The following DRGX variants were observed in gnomAD, a reference collection of about 807,000 sequenced individuals.
DRGX encodes the protein dorsal root ganglia homeobox protein.
In DRGX, 21 loss-of-function variants were observed where a neutral mutation model predicts 28.6. The observed-to-expected ratio is 0.73, with a 90% CI of 0.52 to 1.06. The LOEUF is 1.06. Ranked by LOEUF, DRGX falls within the 50% of genes least tolerant of loss-of-function variation. The probability of loss-of-function intolerance (pLI) is 0.00; values close to 1 mark genes in which losing one functional copy is unlikely to be tolerated. For synonymous variants in DRGX, 136 were observed against 139.1 expected, an observed-to-expected ratio of 0.98 and a Z score of 0.16; for missense variants, 354 against 343.9, an observed-to-expected ratio of 1.03 and a Z score of -0.23.
chr10:49,364,344 CTTAA>C lies in DRGX; in HGVS notation c.*1768_*1771del, dbSNP rs1226073746. 1 of 152,210 alleles carries C rather than the reference CTTAA, an allele frequency of 6.6e-6. No homozygotes were observed. The highest frequency in any genetic ancestry group is 2.4e-5 in the African/African-American group (1 of 41,450). 9.4% of individuals were successfully genotyped at this position (152,210 alleles called of 1,614,324 possible). A position where few individuals can be genotyped will look rare whatever the true frequency, so the allele number is the denominator to read the frequency against. On this transcript the variant is annotated 3_prime_UTR_variant, in exon 7 of 7. Transcript: ENST00000374139. The stretch of plus-strand genomic sequence containing the variant: ...TTCATGCTAATGTGTGTGTAGTTTA[CTTAA>C]TTGTGTTATTGACGATCAAAAGTAA...
intron 4 of DRGX, among the ~76,000 whole-genome samples, chr10:49,389,778 T>A (rs567504829): frequency 2.0e-5 from 3 of 152,090 alleles, no homozygotes; most frequent in Non-Finnish European, 2.9e-5. Flanking sequence ...TTGACCAGCC[T>A]TACCCCAGAG....
intron 6 of DRGX, among the ~76,000 whole-genome samples, chr10:49,376,089 G>A (rs1849713250): frequency 6.6e-6 from 1 of 152,124 alleles, no homozygotes; most frequent in Admixed American, 6.5e-5. Flanking sequence ...GGGGCTGGAA[G>A]GTTGCACACC....
At chr10:49,374,336 G>A (rs951267773) in intron 6 of DRGX, among the ~76,000 whole-genome samples, 10 of 152,136 alleles carry the variant, frequency 6.6e-5, no homozygotes, top group East Asian at 1.9e-4. Context: ...CTGAGGGTGC[G>A]CCATGAGATT....
At chr10:49,394,850 G>T (rs1849947895) in intron 2 of DRGX, among the ~76,000 whole-genome samples, 1 of 152,250 alleles carries the variant, frequency 6.6e-6, no homozygotes, top group South Asian at 2.1e-4. Context: ...GGCAGGTGGT[G>T]GGCAGGGCCA....
chr10:49,368,497 T>C (rs1191698914), intron 6 of DRGX, among the ~76,000 whole-genome samples: 2 of 152,248 alleles, frequency 1.3e-5, no homozygotes, highest in African/African-American at 4.8e-5. Context: ...CTAGGGGCTC[T>C]TACACAGGCA....
At position 49,395,539 on chromosome 10, in the gene DRGX, A is replaced by T; in HGVS notation, c.-81-18T>A. 1 of 1,398,828 alleles carries T rather than the reference A, an allele frequency of 7.1e-7. No individual in the cohort carries two copies. The highest frequency in any genetic ancestry group is 1.4e-5 in the African/African-American group (1 of 70,278). The allele number at this position is 1,398,828 out of a possible 1,614,324, so 86.7% of individuals were successfully genotyped here. A position where few individuals can be genotyped will look rare whatever the true frequency, so the allele number is the denominator to read the frequency against. On this transcript the variant is annotated intron_variant, in intron 1 of 6. Transcript: ENST00000374139. Reference sequence around the variant, plus strand: ...CTGCCTGGCTGCAAAGCAAACAGCGATAGAGCTTCAAGTCTCCCTCTGCCA... The same window carrying T: ...CTGCCTGGCTGCAAAGCAAACAGCGTTAGAGCTTCAAGTCTCCCTCTGCCA...
chr10:49,390,044 G>T, intron 4 of DRGX, 89 bp downstream of exon 4: 1 of 1,225,448 alleles, frequency 8.2e-7, no homozygotes, highest in Non-Finnish European at 1.1e-6. Context: ...TGCTTTCTTT[G>T]GCCAAATGTG....
At chr10:49,387,172 C>T (rs554911449) in intron 4 of DRGX, among the ~76,000 whole-genome samples, 1 of 152,290 alleles carries the variant, frequency 6.6e-6, no homozygotes, top group South Asian at 2.1e-4. Flanking sequence ...GTATTTCCTA[C>T]TGGAGGTGGA....
intron 3 of DRGX, among the ~76,000 whole-genome samples, chr10:49,390,946 C>T (rs1420411579): frequency 6.6e-6 from 1 of 152,170 alleles, no homozygotes; most frequent in Non-Finnish European, 1.5e-5. Flanking sequence ...TGGGAGAGAA[C>T]GTTGTTGCCT....
intron 2 of DRGX, among the ~76,000 whole-genome samples, chr10:49,393,518 T>C (rs1849932598): frequency 6.6e-6 from 1 of 152,248 alleles, no homozygotes; most frequent in Admixed American, 6.5e-5. Flanking sequence ...CAAAATTATC[T>C]GAGAAGTAAG....
At chr10:49,374,027 CA>C in intron 6 of DRGX, among the ~76,000 whole-genome samples, 1 of 151,964 alleles carries the variant, frequency 6.6e-6, no homozygotes, top group South Asian at 2.1e-4. Flanking sequence ...GTTCCAATAC[CA>C]AAATATTCAC....
intron 6 of DRGX, among the ~76,000 whole-genome samples, chr10:49,379,747 G>A (rs1161634038): frequency 2.6e-5 from 4 of 152,220 alleles, no homozygotes; most frequent in South Asian, 2.1e-4. Flanking sequence ...GACACTCGGT[G>A]CAGGACCAGG....
intron 6 of DRGX, among the ~76,000 whole-genome samples, chr10:49,367,843 C>T (rs1007488498): frequency 6.6e-6 from 1 of 152,188 alleles, no homozygotes; most frequent in African/African-American, 2.4e-5. Flanking sequence ...CTCTGGAGTC[C>T]TTCCTCAAGC....
intron 2 of DRGX, among the ~76,000 whole-genome samples, 155 bp downstream of exon 2, chr10:49,395,252 G>A (rs1849953692): frequency 6.6e-6 from 1 of 152,088 alleles, no homozygotes; most frequent in Non-Finnish European, 1.5e-5. Context: ...CTGGAGTGGG[G>A]TGTAGGGAGG....
intron 6 of DRGX, among the ~76,000 whole-genome samples, chr10:49,373,324 TA>T (rs1325549577): frequency 2.6e-5 from 4 of 152,192 alleles, no homozygotes; most frequent in South Asian, 2.1e-4. Context: ...ATAAGACATT[TA>T]AAAAATAGGT....
At chr10:49,391,798 G>A (rs200917703) in intron 2 of DRGX, 110 of 507,738 alleles carry the variant, frequency 2.2e-4, no homozygotes, top group African/African-American at 1.8e-3. Context: ...AGTGCAGAAC[G>A]TGAGGAGGTA....
At position 49,376,436 on chromosome 10, in the gene DRGX, G is replaced by A. The variant is rs559593698; in HGVS notation, c.526+10042C>T. On this transcript the variant is annotated intron_variant, in intron 6 of 6. Coordinates refer to ENST00000374139, the MANE Select transcript of DRGX (RefSeq NM_001276451.2). ...TTGCTTTCCTGGAGCCCTATGTGCTGTCCACACACCATGAACCCCAGTCAC... is the reference window on the plus strand; with the variant it reads ...TTGCTTTCCTGGAGCCCTATGTGCTATCCACACACCATGAACCCCAGTCAC... Among the ~76,000 whole-genome samples, 237 of 152,246 alleles carry A rather than the reference G, an allele frequency of 1.6e-3. 1 individual carries two copies. Among genetic ancestry groups the A allele is most frequent in the Middle Eastern group, 3.4e-3 (1 of 294 alleles).
At chr10:49,395,017 A>G (rs912640848) in intron 2 of DRGX, among the ~76,000 whole-genome samples, 2 of 152,218 alleles carry the variant, frequency 1.3e-5, no homozygotes, top group African/African-American at 4.8e-5. Context: ...CTGGGCCAGG[A>G]CGCGGCGGGT....
At chr10:49,393,888 C>G (rs1192421390) in intron 2 of DRGX, among the ~76,000 whole-genome samples, 3 of 152,218 alleles carry the variant, frequency 2.0e-5, no homozygotes, top group Non-Finnish European at 4.4e-5. Flanking sequence ...CAGGACTCTC[C>G]CTAACTCACT....
Sources: gnomAD v4.1 joint callset for allele counts (sites outside exome capture counted in the v4.1 genomes callset) on GRCh38, gnomAD v4.1.1 for gene constraint, MANE v1.5 for transcripts, NCBI Gene and HGNC (gene_info 2026-07-23, HGNC 2026-07-21) for gene names.